The following OCA2 variants were observed in gnomAD, a reference collection of about 807,000 sequenced individuals.
OCA2 encodes OCA2 melanosomal transmembrane protein.
A neutral mutation model predicts 100.2 loss-of-function variants in OCA2; 77 were observed. That is an observed-to-expected ratio of 0.77 (90% CI 0.64 to 0.93). The LOEUF is 0.93. Among genes scored for constraint, OCA2 ranks in the 40% least tolerant of loss-of-function variants. The probability of loss-of-function intolerance (pLI) is 0.00; values close to 1 mark genes in which losing one functional copy is unlikely to be tolerated. For synonymous variants in OCA2, 432 were observed against 439.2 expected, an observed-to-expected ratio of 0.98 and a Z score of 0.21; for missense variants, 1,062 against 1,089.1, an observed-to-expected ratio of 0.98 and a Z score of 0.35.
At chr15:28,054,371 G>T (rs1272407117) in intron 2 of OCA2, among the ~76,000 whole-genome samples, 1 of 152,182 alleles carries the variant, frequency 6.6e-6, no homozygotes, top group Non-Finnish European at 1.5e-5. Flanking sequence ...ACATGTGCGT[G>T]CTGGTCCTCT....
intron 2 of OCA2, among the ~76,000 whole-genome samples, chr15:28,080,102 C>T (rs2044571295): frequency 6.6e-6 from 1 of 152,218 alleles, no homozygotes; most frequent in Admixed American, 6.5e-5. Flanking sequence ...TGGGACAATC[C>T]TGCTGCCTCA....
intron 23 of OCA2, among the ~76,000 whole-genome samples, chr15:27,821,117 C>T (rs1050770669): frequency 6.6e-6 from 1 of 152,060 alleles, no homozygotes; most frequent in Admixed American, 6.5e-5. Flanking sequence ...TTTTAAAATG[C>T]TAAATTCCTT....
intron 22 of OCA2, among the ~76,000 whole-genome samples, chr15:27,849,414 G>A (rs988493465): frequency 6.6e-6 from 1 of 152,122 alleles, no homozygotes; most frequent in Non-Finnish European, 1.5e-5. Context: ...ACCTTAGCAC[G>A]TGCACTTGCC....
chr15:27,902,276 G>C (rs983070625), intron 19 of OCA2, among the ~76,000 whole-genome samples: 11 of 151,384 alleles, frequency 7.3e-5, no homozygotes, highest in African/African-American at 1.7e-4. Flanking sequence ...TACGTGAAAT[G>C]CTTTCTTTTT....
chr15:28,057,102 T>G (rs1464257936), intron 2 of OCA2, among the ~76,000 whole-genome samples: 1 of 152,354 alleles, frequency 6.6e-6, no homozygotes, highest in East Asian at 1.9e-4. Context: ...CAATGATTGA[T>G]AGCATAAAAT....
chr15:28,029,839 C>A (rs1448486), intron 3 of OCA2, among the ~76,000 whole-genome samples: 8,745 of 152,246 alleles, frequency 0.057, 838 homozygotes, highest in African/African-American at 0.2. Context: ...ACCACCAATA[C>A]CTTAATTAGC....
intron 14 of OCA2, among the ~76,000 whole-genome samples, chr15:27,977,482 A>C (rs2041007658): frequency 6.6e-6 from 1 of 152,156 alleles, no homozygotes; most frequent in South Asian, 2.1e-4. Context: ...ATAGTGGTGC[A>C]GCTGAGTAAT....
intron 18 of OCA2, among the ~76,000 whole-genome samples, chr15:27,943,952 A>G (rs933880343): frequency 1.1e-4 from 17 of 152,048 alleles, no homozygotes; most frequent in Admixed American, 2.6e-4. Flanking sequence ...TAACTCAACC[A>G]CCTTGGGTAC....
intron 1 of OCA2, chr15:28,098,971 G>T (rs2045035115): frequency 6.5e-6 from 1 of 152,766 alleles, no homozygotes; most frequent in South Asian, 2.1e-4. Context: ...CCCACCAGGG[G>T]GCGACTTTTT....
At chr15:27,857,879 G>A (rs1221078353) in intron 21 of OCA2, among the ~76,000 whole-genome samples, 1 of 152,084 alleles carries the variant, frequency 6.6e-6, no homozygotes, top group Non-Finnish European at 1.5e-5. Flanking sequence ...AACTAATTTG[G>A]TATTATTCAT....
chr15:28,005,578 C>G (rs566320925), intron 9 of OCA2, among the ~76,000 whole-genome samples: 39 of 152,112 alleles, frequency 2.6e-4, no homozygotes, highest in Non-Finnish European at 4.1e-4. Flanking sequence ...AGCTTCGAAG[C>G]CATCAACGGT....
In OCA2 at chr15:27,940,440, GT is replaced by G. The variant is rs557082759; in HGVS notation, c.1951+11343del. Among the ~76,000 whole-genome samples, 15 of 152,334 alleles carry G rather than the reference GT, an allele frequency of 9.8e-5. No individual in the cohort carries two copies. The South Asian group carries it at 2.3e-3, about 23-fold the overall frequency. ...GCCTGGCATTTACAGGCAGCTGTCA[GT>G]TCTATCCCCTGTCTCTTCCTTGCCA... On this transcript the variant is annotated intron_variant, in intron 18 of 23. Transcript: ENST00000354638.
At chr15:27,773,459 C>A (rs779680172) in intron 23 of OCA2, among the ~76,000 whole-genome samples, 2 of 152,094 alleles carry the variant, frequency 1.3e-5, no homozygotes, top group Non-Finnish European at 2.9e-5. Flanking sequence ...TTGTTAAATT[C>A]TTATTATTTA....
rs74990607 is a variant in OCA2 at position 27,925,250 on chromosome 15, C to A, written c.2079+877G>T. Among the ~76,000 whole-genome samples, 694 of 152,232 alleles carry A rather than the reference C, an allele frequency of 4.6e-3. 5 individuals carry two copies. Among genetic ancestry groups the A allele is most frequent in the African/African-American group, 0.016 (668 of 41,554 alleles). On this transcript the variant is annotated intron_variant, in intron 19 of 23. Transcript: ENST00000354638. ...GTTAACAAGCAAGACAAATCTAACACTGATAGAATGCTCCACAAAACAGCA... is the reference window on the plus strand; with the variant it reads ...GTTAACAAGCAAGACAAATCTAACAATGATAGAATGCTCCACAAAACAGCA...
intron 19 of OCA2, among the ~76,000 whole-genome samples, chr15:27,925,218 C>T (rs891365645): frequency 1.3e-5 from 2 of 152,110 alleles, no homozygotes; most frequent in African/African-American, 4.8e-5. Context: ...AAGAGACAAA[C>T]AGAACTGTTA....
intron 2 of OCA2, among the ~76,000 whole-genome samples, chr15:28,040,810 C>A (rs957715887): frequency 6.6e-6 from 1 of 152,096 alleles, no homozygotes; most frequent in Admixed American, 6.5e-5. Context: ...TCTGAATAGA[C>A]CTACAACCAG....
chr15:27,768,467 T>C (rs894377527), intron 23 of OCA2, among the ~76,000 whole-genome samples: 2 of 152,142 alleles, frequency 1.3e-5, no homozygotes, highest in Non-Finnish European at 2.9e-5. Flanking sequence ...TGCCTGGAAT[T>C]TGTGATACAA....
At chr15:27,763,137 A>G (rs1220006665) in intron 23 of OCA2, among the ~76,000 whole-genome samples, 1 of 152,218 alleles carries the variant, frequency 6.6e-6, no homozygotes, top group Non-Finnish European at 1.5e-5. Flanking sequence ...ATAATGGATC[A>G]CAGATTTAAA....
At chr15:28,019,568 G>A (rs1436760943) in intron 6 of OCA2, among the ~76,000 whole-genome samples, 4 of 152,144 alleles carry the variant, frequency 2.6e-5, no homozygotes, top group Non-Finnish European at 4.4e-5. Context: ...AGGTGGCTTC[G>A]CTATTCACCG....
Sources: allele counts gnomAD v4.1 joint callset (sites outside exome capture counted in the v4.1 genomes callset), GRCh38; gene constraint gnomAD v4.1.1; transcripts MANE v1.5; gene names NCBI Gene and HGNC (gene_info 2026-07-23, HGNC 2026-07-21).